ERAP1: variants seen among roughly 807,000 people sequenced by gnomAD.
ERAP1 encodes adipocyte-derived leucine aminopeptidase.
Under a neutral mutation model 103.7 loss-of-function variants are expected in ERAP1, and 86 were observed. The observed-to-expected ratio is 0.83, with a 90% CI of 0.70 to 0.99. ERAP1 has a LOEUF of 0.99. ERAP1 is among the 50% of genes least tolerant of loss of function. The pLI, the probability that ERAP1 is intolerant of heterozygous loss-of-function variation, is 0.00. For synonymous variants in ERAP1, 398 were observed against 402.4 expected (o/e 0.99, Z 0.13); for missense variants, 1,009 against 1,128.4 (o/e 0.89, Z 1.52).
chr5:96,792,857 T>TA lies in ERAP1; in HGVS notation c.1188+542dup, dbSNP rs571333933. 1.5e-4 allele frequency among the ~76,000 whole-genome samples: 23 copies of TA among 152,278 alleles called. No homozygotes were observed. In the South Asian group the frequency reaches 4.8e-3, roughly 32 times the overall value. ...AATGAAAAGAATCATTGGAGTAGGATAAAAAAATTTTTACATAAGTTTAAT... is the reference window on the plus strand; with the variant it reads ...AATGAAAAGAATCATTGGAGTAGGATAAAAAAAATTTTTACATAAGTTTAAT... On this transcript the variant is annotated intron_variant, in intron 7 of 18. Coordinates refer to ENST00000443439, the MANE Select transcript of ERAP1 (RefSeq NM_001040458.3).
chr5:96,822,363 T>TAAG, the ERAP1 span, among the ~76,000 whole-genome samples: 1 of 152,236 alleles, frequency 6.6e-6, no homozygotes, highest in Non-Finnish European at 1.5e-5. Context: ...GCAAGAGATT[T>TAAG]AAGAAGAAGG....
At chr5:96,762,316 G>A (rs779255105) in exon 20 of ERAP1, 1 of 1,608,860 alleles carries the variant, frequency 6.2e-7, no homozygotes, top group South Asian at 1.1e-5. Context: ...CTCTGAAGTG[G>A]TTTCCCAAAC....
the ERAP1 span, among the ~76,000 whole-genome samples, chr5:96,831,480 C>CA: frequency 2.0e-5 from 3 of 152,174 alleles, no homozygotes; most frequent in Non-Finnish European, 4.4e-5. Context: ...CCATGATGTT[C>CA]AAGGGCCAAC....
chr5:96,810,696 C>T (rs191829296), upstream of ERAP1, among the ~76,000 whole-genome samples: 2 of 152,320 alleles, frequency 1.3e-5, no homozygotes, highest in East Asian at 3.9e-4. Context: ...AGGAGAATTT[C>T]AGGCCTAGGC....
the ERAP1 span, chr5:96,918,347 A>T: frequency 6.6e-6 from 1 of 152,252 alleles, no homozygotes; most frequent in African/African-American, 2.4e-5. Flanking sequence ...TCCAAGGAAA[A>T]TTAGCCAATG....
the ERAP1 span, among the ~76,000 whole-genome samples, chr5:96,825,999 T>G: frequency 6.6e-6 from 1 of 152,230 alleles, no homozygotes; most frequent in Non-Finnish European, 1.5e-5. Flanking sequence ...CTCAGTAACA[T>G]CAGTTCAGTT....
the ERAP1 span, among the ~76,000 whole-genome samples, chr5:96,862,364 T>A: frequency 6.6e-6 from 1 of 152,214 alleles, no homozygotes; most frequent in Non-Finnish European, 1.5e-5. Context: ...GCCATCTCAA[T>A]AAACAGTAAA....
At chr5:96,826,598 T>TC in the ERAP1 span, among the ~76,000 whole-genome samples, 1 of 152,208 alleles carries the variant, frequency 6.6e-6, no homozygotes, top group Non-Finnish European at 1.5e-5. Context: ...AATTTAGCCA[T>TC]CCAGGTTCAG....
At chr5:96,895,191 A>G in the ERAP1 span, 1 of 1,100,702 alleles carries the variant, frequency 9.1e-7, no homozygotes, top group Non-Finnish European at 1.3e-6. Context: ...TTTTTGCTAA[A>G]GTTAATAATT....
At chr5:96,886,694 C>G in the ERAP1 span, 1 of 1,551,978 alleles carries the variant, frequency 6.4e-7, no homozygotes, top group Non-Finnish European at 8.8e-7. Flanking sequence ...TTTGGAAGAT[C>G]ACTTTGAAAC....
chr5:96,928,884 T>C, the ERAP1 span, among the ~76,000 whole-genome samples: 1 of 152,100 alleles, frequency 6.6e-6, no homozygotes, highest in South Asian at 2.1e-4. Flanking sequence ...TAAGATCTCA[T>C]GAGATGGGTA....
At chr5:96,912,920 T>A in the ERAP1 span, 1 of 743,924 alleles carries the variant, frequency 1.3e-6, no homozygotes, top group Non-Finnish European at 2.1e-6. Context: ...TGTATGGCTT[T>A]AACTTTACTT....
chr5:96,922,170 C>T, the ERAP1 span, among the ~76,000 whole-genome samples: 1 of 152,244 alleles, frequency 6.6e-6, no homozygotes, highest in African/African-American at 2.4e-5. Flanking sequence ...CGGTGGCAGG[C>T]TCTTGTAGTC....
the ERAP1 span, among the ~76,000 whole-genome samples, chr5:96,906,695 A>G: frequency 6.6e-6 from 1 of 152,198 alleles, no homozygotes; most frequent in Non-Finnish European, 1.5e-5. Context: ...CAATTTGCCT[A>G]TAGAAAAAGC....
chr5:96,765,664 CCTCT>C (rs1769678318), intron 19 of ERAP1, among the ~76,000 whole-genome samples: 2 of 152,178 alleles, frequency 1.3e-5, no homozygotes, highest in South Asian at 4.1e-4. Flanking sequence ...GTAAATGTGA[CCTCT>C]CTAAATGGCA....
the ERAP1 span, chr5:96,879,833 C>G: frequency 6.2e-7 from 1 of 1,614,106 alleles, no homozygotes; most frequent in Non-Finnish European, 8.5e-7. Context: ...CACTGAGGAT[C>G]CTGGGGCTTT....
At chr5:96,808,183 GATCCGTGTGTGTGTGTGTGTGTGTGT>G (rs1396095450), upstream of ERAP1, 42 of 920,660 alleles carry the variant, frequency 4.6e-5, 1 homozygote, top group Admixed American at 1.1e-4. Context: ...TCTGAACGCG[GATCCGTGTGTGTGTGTGTGTGTGTGT>G]GTGTGTGTGT....
intron 12 of ERAP1, 97 bp downstream of exon 12, chr5:96,786,373 G>A: frequency 1.2e-6 from 1 of 839,560 alleles, no homozygotes. Context: ...GATCCCTTTT[G>A]CTTTAACCAA....
At chr5:96,854,865 G>T in the ERAP1 span, among the ~76,000 whole-genome samples, 1 of 152,076 alleles carries the variant, frequency 6.6e-6, no homozygotes, top group African/African-American at 2.4e-5. Flanking sequence ...CTATCCAAGG[G>T]TAGCCTTTTT....
Sources: gnomAD v4.1 joint callset for allele counts (sites outside exome capture counted in the v4.1 genomes callset) on GRCh38, gnomAD v4.1.1 for gene constraint, MANE v1.5 for transcripts, NCBI Gene and HGNC (gene_info 2026-07-23, HGNC 2026-07-21) for gene names.